Variants in GANC observed in about 807,000 individuals in gnomAD.
GANC encodes glucosidase alpha, neutral C.
GANC carries 117 observed loss-of-function variants against 124.2 expected under a neutral mutation model. The observed-to-expected ratio is 0.94, with a 90% confidence interval of 0.81 to 1.10. GANC has a LOEUF of 1.10. Among genes scored for constraint, GANC ranks in the 50% least tolerant of loss-of-function variants. The pLI is 0.00. For missense variants in GANC, 1,140 were observed against 1,095.0 expected (o/e 1.04, Z -0.58); for synonymous variants, 377 against 376.8 (o/e 1.00, Z -0.01).
rs2052160805 is a variant in GANC, at chr15:42,321,871, G to A, written c.1144G>A (p.Asp382Asn). The change falls in exon 11 of 24, where the codon GAT (aspartate) becomes AAT (asparagine). Residue 382 changes from aspartate (D) to asparagine (N), a missense_variant. Transcript: ENST00000318010. The part of the protein sequence containing the change: ...YEDEQDVKAV[D>N]AGFDEHDIPY... ...AGATGAGCAGGATGTAAAAGCAGTG[G>A]ATGCAGGGTTTGATGAGCATGACAT... 1 of 1,614,112 alleles carries A rather than the reference G, an allele frequency of 6.2e-7. No individual in the cohort carries two copies. The highest frequency in any genetic ancestry group is 1.7e-5 in the Admixed American group (1 of 60,010).
chr15:42,329,166 G>A (rs2052220730), intron 13 of GANC, 140 bp from the exon 14 acceptor site: 1 of 814,046 alleles, frequency 1.2e-6, no homozygotes. Flanking sequence ...GTTGTTCCCT[G>A]TGGAACTTAT....
intron 3 of GANC, chr15:42,284,222 T>C (rs1566949438): frequency 8.8e-6 from 5 of 569,404 alleles, no homozygotes; most frequent in Non-Finnish European, 1.6e-5. Flanking sequence ...GTTCTAGGGC[T>C]GTTTGTTAAT....
intron 8 of GANC, 125 bp downstream of exon 8, chr15:42,308,443 G>A (rs927240107): frequency 6.8e-6 from 4 of 589,020 alleles, no homozygotes; most frequent in African/African-American, 5.5e-5. Context: ...TATATTGCTT[G>A]TGGATCTTTA....
At chr15:42,276,501 T>A (rs1414699493) in intron 2 of GANC, 91 bp downstream of exon 2, 3 of 621,546 alleles carry the variant, frequency 4.8e-6, no homozygotes, top group Non-Finnish European at 8.7e-6. Context: ...TGATAGACTT[T>A]CCAAGGAAAG....
Position 42,273,276 on chromosome 15 carries a change from T to C in GANC, c.-1206T>C, listed in dbSNP as rs371647438. The C allele has an allele frequency of 6.2e-7, 1 of 1,613,968 alleles. No homozygotes were observed. The highest frequency in any genetic ancestry group is 1.7e-5 in the Admixed American group (1 of 60,006). On this transcript the variant is annotated 5_prime_UTR_variant, in exon 1 of 24. Coordinates refer to ENST00000318010, the MANE Select transcript of GANC (RefSeq NM_198141.3). The stretch of plus-strand genomic sequence containing the variant: ...TCACCGACGGTATCGGAATGTGCCA[T>C]TTGGACCGGTCGGCAGCAGCTACGG...
intron 2 of GANC, 26 bp from the exon 3 acceptor site, chr15:42,278,456 A>T: frequency 7.0e-7 from 1 of 1,424,992 alleles, no homozygotes; most frequent in Non-Finnish European, 9.8e-7. Context: ...ATAATTATCA[A>T]GCATCTGCAT....
At chr15:42,283,721 A>G (rs1477231331) in intron 3 of GANC, 15 of 702,468 alleles carry the variant, frequency 2.1e-5, no homozygotes, top group East Asian at 5.4e-5. Flanking sequence ...ATCTAAGCCT[A>G]ATGAAAATGA....
chr15:42,321,420 A>G (rs112201067), intron 10 of GANC, among the ~76,000 whole-genome samples: 2 of 152,104 alleles, frequency 1.3e-5, no homozygotes, highest in African/African-American at 4.8e-5. Flanking sequence ...TGCTCTATCT[A>G]TTCTTCCTGT....
rs1216773935 is a variant in GANC, at chr15:42,329,295, T to G, written c.1501-11T>G. 6.2e-7 allele frequency: 1 copy of G among 1,608,234 alleles called. No homozygotes were observed. Among genetic ancestry groups the G allele is most frequent in the African/African-American group, 1.3e-5 (1 of 74,614 alleles). Reference sequence around the variant, plus strand: ...AATGTAGGAGTGTCATGACCAAGGTTTACTTCCTAGGGATCTACGGACATC... The same window carrying G: ...AATGTAGGAGTGTCATGACCAAGGTGTACTTCCTAGGGATCTACGGACATC... On this transcript the variant is annotated splice_polypyrimidine_tract_variant and intron_variant, in intron 13 of 23. Transcript: ENST00000318010.
chr15:42,276,186 T>C (rs2051669356), intron 1 of GANC, 162 bp from the exon 2 acceptor site: 2 of 521,778 alleles, frequency 3.8e-6, no homozygotes, highest in Non-Finnish European at 7.0e-6. Context: ...TTCTGCAACA[T>C]AATGTGCTAT....
At chr15:42,281,248 A>T (rs558023646) in intron 3 of GANC, 2 of 629,730 alleles carry the variant, frequency 3.2e-6, no homozygotes. Context: ...CTCCATTTTA[A>T]TGTCCTCCTT....
intron 6 of GANC, 58 bp from the exon 7 acceptor site, chr15:42,306,487 TG>T: frequency 7.7e-7 from 1 of 1,303,650 alleles, no homozygotes; most frequent in Non-Finnish European, 1.1e-6. Context: ...TGAGCTATTG[TG>T]GTAAACACAT....
rs560832229 is a variant in GANC, at chr15:42,328,697, A to G, written c.1501-609A>G. On this transcript the variant is annotated intron_variant, in intron 13 of 23. Coordinates refer to ENST00000318010, the MANE Select transcript of GANC (RefSeq NM_198141.3). ...TGAGGGACTCCCTGTCTTTTTAGCT[A>G]TTCAGTCAAACGCCAAAAGATAAGT... Among the ~76,000 whole-genome samples the G allele has an allele frequency of 2.0e-5, 3 of 152,298 alleles. No individual in the cohort carries two copies. The South Asian group carries it at 6.2e-4, about 32-fold the overall frequency.
chr15:42,314,569 C>T (rs2052086533), intron 10 of GANC: 1 of 207,760 alleles, frequency 4.8e-6, no homozygotes. Flanking sequence ...ATCACACTGA[C>T]CTATACTTAT....
chr15:42,274,365 A>T lies in GANC; in HGVS notation c.-117A>T. The T allele has an allele frequency of 1.9e-6, 2 of 1,072,440 alleles. No individual in the cohort carries two copies. The highest frequency in any genetic ancestry group is 2.7e-6 in the Non-Finnish European group (2 of 729,606). The allele number at this position is 1,072,440 out of a possible 1,614,324, so 66.4% of individuals were successfully genotyped here. On this transcript the variant is annotated 5_prime_UTR_variant, in exon 1 of 24. Coordinates refer to ENST00000318010, the MANE Select transcript of GANC (RefSeq NM_198141.3). ...ATCTGGAGGGGACTCCCTTCCCAGAAACTTGACGATGAAGTACTGGTTGTA... is the reference window on the plus strand; with the variant it reads ...ATCTGGAGGGGACTCCCTTCCCAGATACTTGACGATGAAGTACTGGTTGTA...
chr15:42,306,612 GGT>G lies in GANC; in HGVS notation c.625+1_625+2del, dbSNP rs750389426. 1.2e-4 allele frequency: 195 copies of G among 1,599,372 alleles called. No homozygotes were observed. Among genetic ancestry groups the G allele is most frequent in the Non-Finnish European group, 1.6e-4 (184 of 1,167,276 alleles). Reference sequence around the variant, plus strand: ...AAAATTTGTGGATATCAAAGCTAATGGTAAAATTGAAACTGGTATAGTATTAA... The same window carrying G: ...AAAATTTGTGGATATCAAAGCTAATGAAAATTGAAACTGGTATAGTATTAA... On this transcript the variant is annotated splice_donor_variant, in intron 7 of 23. Transcript: ENST00000318010. LOFTEE classifies it high-confidence loss of function.
At chr15:42,291,734 A>T (rs1257685586) in intron 4 of GANC, among the ~76,000 whole-genome samples, 2 of 152,126 alleles carry the variant, frequency 1.3e-5, no homozygotes, top group African/African-American at 4.8e-5. Flanking sequence ...GTGTGGTAGG[A>T]CCCATGTAGT....
At chr15:42,302,532 A>G (rs746005508) in intron 6 of GANC, among the ~76,000 whole-genome samples, 1 of 152,198 alleles carries the variant, frequency 6.6e-6, no homozygotes, top group African/African-American at 2.4e-5. Flanking sequence ...TAGGCTTCAG[A>G]AGGTGGGTAA....
chr15:42,326,779 C>T (rs1340142280), intron 12 of GANC, among the ~76,000 whole-genome samples: 1 of 152,178 alleles, frequency 6.6e-6, no homozygotes, highest in Non-Finnish European at 1.5e-5. Context: ...TGTGATTGCT[C>T]TTCACCCTTT....
Sources: allele counts gnomAD v4.1 joint callset (sites outside exome capture counted in the v4.1 genomes callset), GRCh38; gene constraint gnomAD v4.1.1; transcripts MANE v1.5; gene names NCBI Gene and HGNC (gene_info 2026-07-23, HGNC 2026-07-21).